Variants in DISC1 observed in about 807,000 individuals in gnomAD.
DISC1 encodes the protein disrupted in schizophrenia 1 protein.
In DISC1, 57 loss-of-function variants were observed where a neutral mutation model predicts 84.5. The ratio of observed to expected loss-of-function variants is 0.67; its 90% CI spans 0.55 to 0.84. DISC1 has a LOEUF of 0.84. DISC1 is among the 40% of genes least tolerant of loss of function. The pLI is 0.00. For missense variants in DISC1, 1,000 were observed against 1,057.8 expected, an observed-to-expected ratio of 0.95 and a Z score of 0.76; for synonymous variants, 411 against 415.2, an observed-to-expected ratio of 0.99 and a Z score of 0.12.
chr1:231,987,489 A>T (rs1162176951), intron 10 of DISC1, among the ~76,000 whole-genome samples: 6 of 152,270 alleles, frequency 3.9e-5, no homozygotes, highest in Admixed American at 3.9e-4. Context: ...ATAAATAATC[A>T]GCACCATACA....
At chr1:231,827,765 C>T (rs1276290532) in intron 9 of DISC1, among the ~76,000 whole-genome samples, 4 of 152,174 alleles carry the variant, frequency 2.6e-5, no homozygotes, top group African/African-American at 9.7e-5. Flanking sequence ...AATCCACTTT[C>T]CATTGAGGCT....
In DISC1 at chr1:231,663,560, T is replaced by C. The variant is rs116054880; in HGVS notation, c.68-30266T>C. On this transcript the variant is annotated intron_variant, in intron 1 of 12. Transcript: ENST00000439617. The stretch of plus-strand genomic sequence containing the variant: ...CAACTTGCAATGAACATTCTCACTT[T>C]GGTTGTATCACTTTCCACCCTCCTG... Among the ~76,000 whole-genome samples, 428 of 152,364 alleles carry C rather than the reference T, an allele frequency of 2.8e-3. 7 individuals are homozygous for C. Among genetic ancestry groups the C allele is most frequent in the East Asian group, 9.6e-3 (50 of 5,188 alleles).
rs1180020642 is a variant in DISC1 at position 231,806,151 on chromosome 1, C to T, written c.1792+5941C>T. On this transcript the variant is annotated intron_variant, in intron 8 of 12. Coordinates refer to ENST00000439617, the MANE Select transcript of DISC1 (RefSeq NM_018662.3). ...ATACATGAGATAATAAATATATGAA[C>T]GTGACGTGGCTTTCCACAGAGTGAA... is the stretch of plus-strand genomic sequence containing the variant. Among the ~76,000 whole-genome samples the T allele has an allele frequency of 3.9e-5, 6 of 152,140 alleles. 1 individual carries two copies. Among genetic ancestry groups the T allele is most frequent in the South Asian group, 2.1e-4 (1 of 4,834 alleles).
chr1:231,784,540 T>C (rs1348695388), intron 6 of DISC1, among the ~76,000 whole-genome samples: 1 of 152,230 alleles, frequency 6.6e-6, no homozygotes, highest in Non-Finnish European at 1.5e-5. Context: ...AAACTCTAAA[T>C]ATATTTATTC....
At chr1:231,849,906 C>G (rs1271048770) in intron 9 of DISC1, among the ~76,000 whole-genome samples, 2 of 152,152 alleles carry the variant, frequency 1.3e-5, no homozygotes, top group African/African-American at 4.8e-5. Flanking sequence ...TCCCTAGTGT[C>G]TTCGATCCTT....
chr1:231,827,051 C>T (rs1385338456), intron 9 of DISC1, among the ~76,000 whole-genome samples: 7 of 152,038 alleles, frequency 4.6e-5, no homozygotes, highest in South Asian at 2.1e-4. Flanking sequence ...TGCAGTGGCA[C>T]GATCTTGGCT....
At chr1:231,844,934 A>G (rs1482496148) in intron 9 of DISC1, among the ~76,000 whole-genome samples, 1 of 151,798 alleles carries the variant, frequency 6.6e-6, no homozygotes, top group African/African-American at 2.4e-5. Flanking sequence ...CTCAAAAAAA[A>G]AAAAAAAAGA....
intron 9 of DISC1, among the ~76,000 whole-genome samples, chr1:231,875,910 C>T (rs951472846): frequency 3.9e-5 from 6 of 152,132 alleles, no homozygotes; most frequent in Non-Finnish European, 8.8e-5. Flanking sequence ...ATGTGAATGG[C>T]GAGGACACGT....
intron 8 of DISC1, among the ~76,000 whole-genome samples, chr1:231,812,597 G>A (rs1432424508): frequency 6.6e-6 from 1 of 152,190 alleles, no homozygotes; most frequent in Non-Finnish European, 1.5e-5. Context: ...AAAAACCTAT[G>A]AGAATACCCA....
intron 9 of DISC1, among the ~76,000 whole-genome samples, chr1:231,861,260 G>C (rs1169638030): frequency 6.6e-6 from 1 of 151,680 alleles, no homozygotes; most frequent in Non-Finnish European, 1.5e-5. Flanking sequence ...TACATTTTGA[G>C]GTTAAAAGCC....
intron 9 of DISC1, among the ~76,000 whole-genome samples, chr1:231,949,561 G>T (rs1657936543): frequency 6.6e-6 from 1 of 152,166 alleles, no homozygotes; most frequent in Non-Finnish European, 1.5e-5. Context: ...ATTTGGGCTG[G>T]CTGCTTGGGA....
chr1:231,928,391 A>G (rs983195522), intron 9 of DISC1, among the ~76,000 whole-genome samples: 2 of 152,244 alleles, frequency 1.3e-5, no homozygotes, highest in African/African-American at 2.4e-5. Context: ...CATCCTCAGT[A>G]TGGAAGGCTG....
At chr1:231,801,604 A>G (rs1244244659) in intron 8 of DISC1, among the ~76,000 whole-genome samples, 1 of 151,854 alleles carries the variant, frequency 6.6e-6, no homozygotes, top group Non-Finnish European at 1.5e-5. Context: ...TGACCTCACT[A>G]TTTTCTGGTT....
At chr1:231,914,712 G>A (rs935697049) in intron 9 of DISC1, among the ~76,000 whole-genome samples, 2 of 152,228 alleles carry the variant, frequency 1.3e-5, no homozygotes, top group Non-Finnish European at 2.9e-5. Context: ...TTATCATGTG[G>A]AGGGAAAGGG....
At chr1:231,952,689 G>A (rs1253886745) in intron 9 of DISC1, among the ~76,000 whole-genome samples, 3 of 121,750 alleles carry the variant, frequency 2.5e-5, no homozygotes, top group East Asian at 7.0e-4. Context: ...ATATATATAT[G>A]TTTATATATA....
At chr1:231,724,056 A>G (rs1558427362) in intron 3 of DISC1, 1 of 980,218 alleles carries the variant, frequency 1.0e-6, no homozygotes. Flanking sequence ...TTAAAAGTGA[A>G]TGTTGGTCTT....
chr1:231,745,107 A>G (rs190676335), intron 3 of DISC1, among the ~76,000 whole-genome samples: 8 of 152,324 alleles, frequency 5.3e-5, no homozygotes, highest in Non-Finnish European at 1.0e-4. Flanking sequence ...TCCCCACTTA[A>G]AAAATTTGCA....
At chr1:231,953,858 A>G (rs969186075) in intron 9 of DISC1, among the ~76,000 whole-genome samples, 9 of 152,138 alleles carry the variant, frequency 5.9e-5, no homozygotes, top group Non-Finnish European at 1.2e-4. Context: ...TGCCTTCCTT[A>G]TTAATTGAGG....
At chr1:231,894,404 T>C (rs2087511876) in intron 9 of DISC1, among the ~76,000 whole-genome samples, 1 of 152,216 alleles carries the variant, frequency 6.6e-6, no homozygotes, top group Non-Finnish European at 1.5e-5. Flanking sequence ...ACAAATGTTG[T>C]ATATTCTACT....
Sources: gnomAD v4.1 joint callset for allele counts (sites outside exome capture counted in the v4.1 genomes callset) on GRCh38, gnomAD v4.1.1 for gene constraint, MANE v1.5 for transcripts, NCBI Gene and HGNC (gene_info 2026-07-23, HGNC 2026-07-21) for gene names.